Variants in ARHGEF19 observed in about 807,000 individuals in gnomAD.
The protein encoded by ARHGEF19 is Rho guanine nucleotide exchange factor (GEF) 19.
ARHGEF19 carries 92 observed loss-of-function variants against 87.6 expected under a neutral mutation model. The observed-to-expected ratio is 1.05, with a 90% confidence interval of 0.89 to 1.25. The LOEUF is 1.25. Ranked by LOEUF, ARHGEF19 falls within the 50% of genes most tolerant of loss-of-function variation. ARHGEF19 has a pLI of 0.00. For synonymous variants in ARHGEF19, 438 were observed against 446.2 expected (o/e 0.98, Z 0.23); for missense variants, 1,054 against 1,051.8 (o/e 1.00, Z -0.03).
chr1:16,207,274 G>T lies in ARHGEF19; in HGVS notation c.875-64C>A. 6.9e-7 allele frequency: 1 copy of T among 1,457,472 alleles called. No homozygotes were observed. Among genetic ancestry groups the T allele is most frequent in the South Asian group, 1.4e-5 (1 of 71,338 alleles). 90.3% of individuals were successfully genotyped at this position (1,457,472 alleles called of 1,614,324 possible). A position where few individuals can be genotyped will look rare whatever the true frequency, so the allele number is the denominator to read the frequency against. ...GCCAGCCCCTGCCCGGCTTTTCCTCGGTTCCCTCAAGAGCCCGCGTCACTT... is the reference window on the plus strand; with the variant it reads ...GCCAGCCCCTGCCCGGCTTTTCCTCTGTTCCCTCAAGAGCCCGCGTCACTT... On this transcript the variant is annotated intron_variant, in intron 5 of 15. Coordinates refer to ENST00000270747, the MANE Select transcript of ARHGEF19 (RefSeq NM_153213.5). The surrounding 1 kb of genome is among the most constrained non-coding windows in gnomAD (Gnocchi z 4.0).
Position 16,204,746 on chromosome 1 carries a change from T to A in ARHGEF19, c.1907+13A>T. The A allele has an allele frequency of 1.3e-6, 2 of 1,569,276 alleles. No homozygotes were observed. Among genetic ancestry groups the A allele is most frequent in the Non-Finnish European group, 1.7e-6 (2 of 1,152,984 alleles). On this transcript the variant is annotated intron_variant, in intron 12 of 15. Coordinates refer to ENST00000270747, the MANE Select transcript of ARHGEF19 (RefSeq NM_153213.5). ...TCCACTTTACCTACCCACCCCTGACTGCCCCGACTCACTCCTTCCGCCGAG... is the reference window on the plus strand; with the variant it reads ...TCCACTTTACCTACCCACCCCTGACAGCCCCGACTCACTCCTTCCGCCGAG...
At position 16,205,510 on chromosome 1, in the gene ARHGEF19, C is replaced by T. The variant is rs1277738155; in HGVS notation, c.1581+28G>A. The T allele has an allele frequency of 6.2e-7, 1 of 1,613,730 alleles. No individual in the cohort carries two copies. The highest frequency in any genetic ancestry group is 1.3e-5 in the African/African-American group (1 of 74,920). On this transcript the variant is annotated intron_variant, in intron 9 of 15. Transcript: ENST00000270747. The surrounding 1 kb of genome is among the most constrained non-coding windows in gnomAD (Gnocchi z 5.8). ...ACAGGTGTATCTCCCTCGCCCAGCC[C>T]TCACTGTGGCCTGTCCCCTCGAGGT...
chr1:16,204,706 G>A, intron 12 of ARHGEF19, 53 bp downstream of exon 12: 2 of 1,514,940 alleles, frequency 1.3e-6, no homozygotes, highest in Non-Finnish European at 1.8e-6. Context: ...GTGGTGGGGA[G>A]GAAGAGAGCC....
In ARHGEF19 at chr1:16,206,002, C is replaced by T. The variant is rs745512953; in HGVS notation, c.1380G>A (p.Pro460=). Residue 460 remains proline, a synonymous_variant, in exon 8 of 16, where the codon CCG becomes CCA. Coordinates refer to ENST00000270747, the MANE Select transcript of ARHGEF19 (RefSeq NM_153213.5). This position sits in a 1 kb window ranked among gnomAD's most constrained non-coding sequence, Gnocchi z 4.6. ...AGGGCAGGTAGACTCTGCGGAAGGCCGGGCAGTGGTCCAGCACCACGTCGC... is the reference window on the plus strand; with the variant it reads ...AGGGCAGGTAGACTCTGCGGAAGGCTGGGCAGTGGTCCAGCACCACGTCGC... The part of the protein sequence containing the change: ...SVCDVVLDHC[P]AFRRVYLPYV... 1 of 1,608,558 alleles carries T rather than the reference C, an allele frequency of 6.2e-7. No homozygotes were observed. The highest frequency in any genetic ancestry group is 8.5e-7 in the Non-Finnish European group (1 of 1,177,606).
intron 2 of ARHGEF19, 117 bp from the exon 3 acceptor site, chr1:16,208,342 G>T (rs568311244): frequency 2.3e-6 from 3 of 1,316,424 alleles, no homozygotes; most frequent in Non-Finnish European, 3.1e-6. Flanking sequence ...CAAGGGAAGG[G>T]CCTGTGTTTC....
Position 16,200,311 on chromosome 1 carries a change from C to T in ARHGEF19, c.2147-1057G>A, listed in dbSNP as rs113564457. On this transcript the variant is annotated intron_variant, in intron 14 of 15. Transcript: ENST00000270747. Reference sequence around the variant, plus strand: ...GAAAAATGTCTACCTAGTAGGGTTGCCATGAGGATTAAATTAGATTTAATG... The same window carrying T: ...GAAAAATGTCTACCTAGTAGGGTTGTCATGAGGATTAAATTAGATTTAATG... Among the ~76,000 whole-genome samples the T allele has an allele frequency of 1.3e-3, 192 of 152,374 alleles. 1 individual carries two copies. Among genetic ancestry groups the T allele is most frequent in the African/African-American group, 4.3e-3 (179 of 41,590 alleles).
In ARHGEF19 at chr1:16,198,583, C is replaced by T. The variant is rs753689593; in HGVS notation, c.*4G>A. On this transcript the variant is annotated 3_prime_UTR_variant, in exon 16 of 16. Coordinates refer to ENST00000270747, the MANE Select transcript of ARHGEF19 (RefSeq NM_153213.5). The surrounding 1 kb of genome is among the most constrained non-coding windows in gnomAD (Gnocchi z 4.1). ...GAGGTGGGGTCCTAGGCCATGGCTG[C>T]CCATCACACAGGAGCCTCCCCCAGT... The T allele has an allele frequency of 1.2e-6, 2 of 1,602,990 alleles. No individual in the cohort carries two copies. Among genetic ancestry groups the T allele is most frequent in the South Asian group, 2.3e-5 (2 of 88,576 alleles).
Position 16,206,594 on chromosome 1 carries a change from C to A in ARHGEF19, c.1138-254G>T. On this transcript the variant is annotated intron_variant, in intron 6 of 15. Coordinates refer to ENST00000270747, the MANE Select transcript of ARHGEF19 (RefSeq NM_153213.5). This position sits in a 1 kb window ranked among gnomAD's most constrained non-coding sequence, Gnocchi z 4.6. ...GTTCTTCCCAGAGCCCCGCCCACCC[C>A]CCAGGTCCCGCCCCTGATCCTGGCC... 1.9e-6 allele frequency: 1 copy of A among 534,948 alleles called. No homozygotes were observed. Among genetic ancestry groups the A allele is most frequent in the Non-Finnish European group, 3.4e-6 (1 of 298,076 alleles). 33.1% of individuals were successfully genotyped at this position (534,948 alleles called of 1,614,324 possible).
intron 1 of ARHGEF19, among the ~76,000 whole-genome samples, chr1:16,209,345 G>A (rs926022603): frequency 2.0e-5 from 3 of 152,160 alleles, no homozygotes; most frequent in African/African-American, 7.2e-5. Context: ...CCATTTTATA[G>A]GTGAGGAAAC....
At chr1:16,202,035 G>A (rs1389817658) in intron 13 of ARHGEF19, among the ~76,000 whole-genome samples, 174 bp from the exon 14 acceptor site, 3 of 134,342 alleles carry the variant, frequency 2.2e-5, no homozygotes, top group Non-Finnish European at 4.8e-5. Flanking sequence ...CGGTTCCCAA[G>A]CCTGTGCCCC....
In ARHGEF19 at chr1:16,201,826, G is replaced by A; in HGVS notation, c.2102C>T (p.Pro701Leu). 1 of 1,613,902 alleles carries A rather than the reference G, an allele frequency of 6.2e-7. No homozygotes were observed. Residue 701 changes from proline (P) to leucine (L), a missense_variant, in exon 14 of 16, where the codon CCC becomes CTC. Pro to Leu is a moderately conservative substitution (Grantham distance 98). Coordinates refer to ENST00000270747, the MANE Select transcript of ARHGEF19 (RefSeq NM_153213.5). The part of the protein sequence containing the change: ...EKQRWISALC[P>L]SSPQEDKEVI... Reference sequence around the variant, plus strand: ...CTCCTTGTCCTCCTGGGGGCTGGAGGGGCACAAGGCTGAGATCCATCGCTG... The same window carrying A: ...CTCCTTGTCCTCCTGGGGGCTGGAGAGGCACAAGGCTGAGATCCATCGCTG...
chr1:16,201,846 TCG>T lies in ARHGEF19; in HGVS notation c.2080_2081del (p.Arg694MetfsTer19), dbSNP rs750444474. 8 of 1,613,756 alleles carry T rather than the reference TCG, an allele frequency of 5.0e-6. No individual in the cohort carries two copies. Among genetic ancestry groups the T allele is most frequent in the Admixed American group, 1.7e-5 (1 of 59,978 alleles). ...LRARTESEKQ[R>X]WISALCPSSP... ...TGGAGGGGCACAAGGCTGAGATCCATCGCTGCTTCTCACTTCTAGGGAAGGGG... is the reference window on the plus strand; with the variant it reads ...TGGAGGGGCACAAGGCTGAGATCCATCTGCTTCTCACTTCTAGGGAAGGGG... On this transcript the variant is annotated frameshift_variant, in exon 14 of 16. Coordinates refer to ENST00000270747, the MANE Select transcript of ARHGEF19 (RefSeq NM_153213.5). LOFTEE classifies it high-confidence loss of function.
In ARHGEF19 at chr1:16,205,810, C is replaced by T; in HGVS notation, c.1451+121G>A. On this transcript the variant is annotated intron_variant, in intron 8 of 15. Coordinates refer to ENST00000270747, the MANE Select transcript of ARHGEF19 (RefSeq NM_153213.5). The surrounding 1 kb of genome is among the most constrained non-coding windows in gnomAD (Gnocchi z 5.8). Reference sequence around the variant, plus strand: ...GTTGCATCTCACCTTATCCTGGTCACAGAGACCTTTTCAGGGACCCCTCCC... The same window carrying T: ...GTTGCATCTCACCTTATCCTGGTCATAGAGACCTTTTCAGGGACCCCTCCC... 2 of 1,492,648 alleles carry T rather than the reference C, an allele frequency of 1.3e-6. No individual in the cohort carries two copies. The highest frequency in any genetic ancestry group is 1.8e-6 in the Non-Finnish European group (2 of 1,114,628). The allele number at this position is 1,492,648 out of a possible 1,614,324, so 92.5% of individuals were successfully genotyped here. A position where few individuals can be genotyped will look rare whatever the true frequency, so the allele number is the denominator to read the frequency against.
rs747688533 is a variant in ARHGEF19 at position 16,205,122 on chromosome 1, T to A, written c.1711A>T (p.Ile571Phe). Residue 571 changes from isoleucine to phenylalanine, a missense_variant, in exon 11 of 16, where the codon ATC becomes TTC. Transcript: ENST00000270747. The surrounding 1 kb of genome is among the most constrained non-coding windows in gnomAD (Gnocchi z 5.8). ...AAGTGGATCTTCTTGCTCAGGTGGA[T>A]GAGTTCCTCTGTCCTCTTCATGGAC... Reference protein sequence around the residue: ...VQSMKRTEELIHLSKKIHFEG... With the variant: ...VQSMKRTEELFHLSKKIHFEG... 3.7e-6 allele frequency: 6 copies of A among 1,606,288 alleles called. No homozygotes were observed. Among genetic ancestry groups the A allele is most frequent in the South Asian group, 1.1e-5 (1 of 89,608 alleles).
rs536907559 is a variant in ARHGEF19, at chr1:16,202,011, C to T, written c.2067-150G>A. ...GACCCATGTCTGCCCCACCCCAGGG[C>T]CCACCCCACAACCCGGTTCCCAAGC... is the stretch of plus-strand genomic sequence containing the variant. On this transcript the variant is annotated intron_variant, in intron 13 of 15. Coordinates refer to ENST00000270747, the MANE Select transcript of ARHGEF19 (RefSeq NM_153213.5). 1.5e-4 allele frequency: 124 copies of T among 800,836 alleles called. No individual in the cohort carries two copies. In the East Asian group the frequency reaches 3.2e-3, roughly 21 times the overall value. The allele number at this position is 800,836 out of a possible 1,614,324, so 49.6% of individuals were successfully genotyped here.
chr1:16,198,456 G>A lies in ARHGEF19; in HGVS notation c.*131C>T, dbSNP rs1013811762. 2.5e-6 allele frequency: 3 copies of A among 1,222,126 alleles called. No individual in the cohort carries two copies. Among genetic ancestry groups the A allele is most frequent in the Non-Finnish European group, 3.4e-6 (3 of 894,746 alleles). 75.7% of individuals were successfully genotyped at this position (1,222,126 alleles called of 1,614,324 possible). ...GCGCCCCCATTCCTGTGTCCAGCCT[G>A]TGCCCTCAATGCCAAGGCCACAGAA... On this transcript the variant is annotated 3_prime_UTR_variant, in exon 16 of 16. Transcript: ENST00000270747. This position sits in a 1 kb window ranked among gnomAD's most constrained non-coding sequence, Gnocchi z 4.1.
Position 16,201,813 on chromosome 1 carries a change from C to T in ARHGEF19, c.2115G>A (p.Gln705=). The change falls in exon 14 of 16, where the codon CAG becomes CAA. Residue 705 remains glutamine, a synonymous_variant. Transcript: ENST00000270747. ...WISALCPSSP[Q]EDKEVISEGE... The stretch of plus-strand genomic sequence containing the variant: ...CCTCACTGATGACCTCCTTGTCCTC[C>T]TGGGGGCTGGAGGGGCACAAGGCTG... 1 of 1,613,894 alleles carries T rather than the reference C, an allele frequency of 6.2e-7. No individual in the cohort carries two copies. Among genetic ancestry groups the T allele is most frequent in the South Asian group, 1.1e-5 (1 of 91,048 alleles).
In ARHGEF19 at chr1:16,206,846, CT is replaced by C; in HGVS notation, c.1137+101del. On this transcript the variant is annotated intron_variant, in intron 6 of 15. Transcript: ENST00000270747. This position sits in a 1 kb window ranked among gnomAD's most constrained non-coding sequence, Gnocchi z 4.6. ...CGCGGACAGTCGCGCCAGCAACCCCCTTTGTGTGTCCCCCTCCCTCTATGGC... is the reference window on the plus strand; with the variant it reads ...CGCGGACAGTCGCGCCAGCAACCCCCTTGTGTGTCCCCCTCCCTCTATGGC... The C allele has an allele frequency of 7.5e-7, 1 of 1,336,188 alleles. No homozygotes were observed. 82.8% of individuals were successfully genotyped at this position (1,336,188 alleles called of 1,614,324 possible). A position where few individuals can be genotyped will look rare whatever the true frequency, so the allele number is the denominator to read the frequency against.
chr1:16,207,335 AATTCATTC>A lies in ARHGEF19; in HGVS notation c.875-133_875-126del, dbSNP rs3832000. 127 of 1,200,008 alleles carry A rather than the reference AATTCATTC, an allele frequency of 1.1e-4. No homozygotes were observed. The highest frequency in any genetic ancestry group is 2.9e-4 in the Middle Eastern group (1 of 3,464). The allele number at this position is 1,200,008 out of a possible 1,614,324, so 74.3% of individuals were successfully genotyped here. A position where few individuals can be genotyped will look rare whatever the true frequency, so the allele number is the denominator to read the frequency against. On this transcript the variant is annotated intron_variant, in intron 5 of 15. Transcript: ENST00000270747. The surrounding 1 kb of genome is among the most constrained non-coding windows in gnomAD (Gnocchi z 4.0). ...GCGGTTCGGATATCTGGACACAGTGAATTCATTCATTCATTCATTCATTCCATAAACAA... is the reference window on the plus strand; with the variant it reads ...GCGGTTCGGATATCTGGACACAGTGAATTCATTCATTCATTCCATAAACAA...
Sources: allele counts gnomAD v4.1 joint callset (sites outside exome capture counted in the v4.1 genomes callset), GRCh38; gene constraint gnomAD v4.1.1; non-coding constraint Gnocchi (gnomAD v3.1); transcripts MANE v1.5; gene names NCBI Gene and HGNC (gene_info 2026-07-23, HGNC 2026-07-21).